MECOM: variants seen among roughly 807,000 people sequenced by gnomAD.
The protein encoded by MECOM is histone-lysine N-methyltransferase MECOM.
MECOM carries 13 observed loss-of-function variants against 116.3 expected under a neutral mutation model. That is an observed-to-expected ratio of 0.11 (90% CI 0.07 to 0.18). MECOM has a LOEUF of 0.18. Ranked by LOEUF, MECOM falls within the 10% of genes least tolerant of loss-of-function variation. The pLI is 1.00. For missense variants in MECOM, 1,299 were observed against 1,509.0 expected (o/e 0.86, Z 2.31); for synonymous variants, 528 against 535.2 (o/e 0.99, Z 0.19).
chr3:169,440,518 G>A (rs1280782985), intron 1 of MECOM, among the ~76,000 whole-genome samples: 1 of 140,674 alleles, frequency 7.1e-6, no homozygotes, highest in East Asian at 2.4e-4. Flanking sequence ...AAGCCTGTTG[G>A]CATGTAAGGT....
chr3:169,235,884 A>G (rs1414488708), intron 2 of MECOM, among the ~76,000 whole-genome samples: 3 of 150,918 alleles, frequency 2.0e-5, no homozygotes, highest in Middle Eastern at 3.5e-3. Context: ...AAAAAAAAAA[A>G]GGGACAGACG....
intron 1 of MECOM, among the ~76,000 whole-genome samples, chr3:169,544,590 A>G (rs372070641): frequency 6.6e-6 from 1 of 152,306 alleles, no homozygotes; most frequent in East Asian, 1.9e-4. Context: ...TTGCAGCACT[A>G]TTTACAATAG....
At chr3:169,093,172 C>T in intron 13 of MECOM, 70 bp from the exon 14 acceptor site, 1 of 1,472,436 alleles carries the variant, frequency 6.8e-7, no homozygotes. Flanking sequence ...GAAACTCACT[C>T]CTTATGAATT....
intron 1 of MECOM, among the ~76,000 whole-genome samples, chr3:169,526,503 T>A (rs996868032): frequency 1.3e-5 from 2 of 152,170 alleles, no homozygotes; most frequent in African/African-American, 4.8e-5. Context: ...TAAATGAGGA[T>A]CAAAATTTCA....
At chr3:169,212,351 C>T (rs1329747081) in intron 2 of MECOM, among the ~76,000 whole-genome samples, 8 of 151,660 alleles carry the variant, frequency 5.3e-5, no homozygotes, top group Non-Finnish European at 8.8e-5. Context: ...GAATAAAACT[C>T]AGACGCTTTA....
At chr3:169,148,638 G>A (rs1740569025) in intron 2 of MECOM, among the ~76,000 whole-genome samples, 1 of 152,148 alleles carries the variant, frequency 6.6e-6, no homozygotes, top group South Asian at 2.1e-4. Flanking sequence ...GGAGAGGTGG[G>A]GCAAGAGGGG....
At chr3:169,467,197 C>T (rs1330774661) in intron 1 of MECOM, 2 of 151,972 alleles carry the variant, frequency 1.3e-5, no homozygotes, top group African/African-American at 2.4e-5. Context: ...TTGAAATAAC[C>T]ATCAAATAAA....
At chr3:169,612,546 T>C (rs1769419645) in intron 1 of MECOM, among the ~76,000 whole-genome samples, 1 of 152,160 alleles carries the variant, frequency 6.6e-6, no homozygotes, top group African/African-American at 2.4e-5. Flanking sequence ...CTGGTTCCTA[T>C]AATCTAAAAA....
intron 2 of MECOM, among the ~76,000 whole-genome samples, chr3:169,169,943 T>G (rs1744161361): frequency 1.3e-5 from 2 of 151,856 alleles, no homozygotes; most frequent in South Asian, 4.1e-4. Flanking sequence ...TTTAGGAAAA[T>G]TATATTTAGG....
At chr3:169,534,251 C>G (rs1560402424) in intron 1 of MECOM, among the ~76,000 whole-genome samples, 1 of 152,182 alleles carries the variant, frequency 6.6e-6, no homozygotes. Flanking sequence ...TACTTAACAT[C>G]CCCTCCATCT....
intron 1 of MECOM, among the ~76,000 whole-genome samples, chr3:169,610,523 G>A (rs201066981): frequency 4.8e-4 from 68 of 141,138 alleles, no homozygotes; most frequent in East Asian, 1.4e-3. Context: ...GTGTGTGTGT[G>A]TGTGTATAAT....
At chr3:169,125,413 C>A (rs1217484640) in intron 5 of MECOM, among the ~76,000 whole-genome samples, 1 of 152,042 alleles carries the variant, frequency 6.6e-6, no homozygotes, top group Non-Finnish European at 1.5e-5. Flanking sequence ...TATATCAAAT[C>A]ATAAACCCTG....
At chr3:169,446,900 C>A (rs1744728606) in intron 1 of MECOM, among the ~76,000 whole-genome samples, 1 of 152,186 alleles carries the variant, frequency 6.6e-6, no homozygotes, top group South Asian at 2.1e-4. Context: ...AAGCTTTAGG[C>A]ACTCCCTGCA....
chr3:169,395,476 T>C (rs917330764), intron 1 of MECOM, among the ~76,000 whole-genome samples: 2 of 152,168 alleles, frequency 1.3e-5, no homozygotes. Context: ...AAGTGACTAC[T>C]AAATTTACAC....
In MECOM at chr3:169,217,266, C is replaced by CT. The variant is rs149719321; in HGVS notation, c.376-73435dup. On this transcript the variant is annotated intron_variant, in intron 2 of 16. Transcript: ENST00000651503. ...TGAACTATAGCTAGACTCTTGGAGT[C>CT]TTTTTTTTTTAATAAAACATTTTTG... Among the ~76,000 whole-genome samples the CT allele has an allele frequency of 0.017, 2,491 of 147,818 alleles. 181 individuals carry two copies. In the East Asian group the frequency reaches 0.21, roughly 13 times the overall value.
intron 10 of MECOM, among the ~76,000 whole-genome samples, chr3:169,107,256 G>A (rs1009029082): frequency 6.6e-6 from 1 of 151,908 alleles, no homozygotes; most frequent in African/African-American, 2.4e-5. Context: ...TTTATTTGGG[G>A]GTAAAAACTA....
chr3:169,200,031 G>T (rs1748945961), intron 2 of MECOM, among the ~76,000 whole-genome samples: 1 of 152,038 alleles, frequency 6.6e-6, no homozygotes, highest in Non-Finnish European at 1.5e-5. Flanking sequence ...TCTGTTTTAG[G>T]CAATGCAAAG....
At position 169,654,489 on chromosome 3, in the gene MECOM, G is replaced by A. The variant is rs151172821; in HGVS notation, c.37+8847C>T. On this transcript the variant is annotated intron_variant, in intron 1 of 16. Transcript: ENST00000651503. ...CATTACATCTGGACTCTCCTAGGAG[G>A]GCAGGGGTGAACTCTTCCTCTGAAT... 1.8e-3 allele frequency among the ~76,000 whole-genome samples: 273 copies of A among 152,202 alleles called. 1 individual carries two copies. The highest frequency in any genetic ancestry group is 6.4e-3 in the African/African-American group (264 of 41,526).
Position 169,084,767 on chromosome 3 carries a change from A to T in MECOM, c.*142T>A. 1.2e-6 allele frequency: 1 copy of T among 802,918 alleles called. No homozygotes were observed. Among genetic ancestry groups the T allele is most frequent in the South Asian group, 2.8e-5 (1 of 35,268 alleles). 49.7% of individuals were successfully genotyped at this position (802,918 alleles called of 1,614,324 possible). ...TTTTCTTTCTTTTCTTTTTTAAATC[A>T]TTCAGTTTAAGGTCACTAGACTTTA... is the stretch of plus-strand genomic sequence containing the variant. On this transcript the variant is annotated 3_prime_UTR_variant, in exon 17 of 17. Transcript: ENST00000651503.
Sources: gnomAD v4.1 joint callset for allele counts (sites outside exome capture counted in the v4.1 genomes callset) on GRCh38, gnomAD v4.1.1 for gene constraint, MANE v1.5 for transcripts, NCBI Gene and HGNC (gene_info 2026-07-23, HGNC 2026-07-21) for gene names.